The following OCM variants were observed in gnomAD, a reference collection of about 807,000 sequenced individuals.
The protein encoded by OCM is oncomodulin.
Under a neutral mutation model 14.1 loss-of-function variants are expected in OCM, and 18 were observed. The ratio of observed to expected loss-of-function variants is 1.28; its 90% confidence interval spans 0.88 to 1.89. The LOEUF is 1.89. Among genes scored for constraint, OCM ranks in the 40% most tolerant of loss-of-function variants. The pLI is 0.00. For synonymous variants in OCM, 48 were observed against 51.0 expected (o/e 0.94, Z 0.25); for missense variants, 140 against 137.6 (o/e 1.02, Z -0.09).
At chr7:5,866,067 T>G in the OCM span, among the ~76,000 whole-genome samples, 1 of 151,786 alleles carries the variant, frequency 6.6e-6, no homozygotes, top group Non-Finnish European at 1.5e-5. Flanking sequence ...GTGCCTGCAA[T>G]CCTAGTGTCT....
chr7:5,872,881 AAATAAT>A, the OCM span, among the ~76,000 whole-genome samples: 1 of 152,124 alleles, frequency 6.6e-6, no homozygotes, highest in African/African-American at 2.4e-5. Context: ...TAAATACTGA[AAATAAT>A]AATAATTAAA....
chr7:5,864,234 T>TG, the OCM span, among the ~76,000 whole-genome samples: 50 of 146,218 alleles, frequency 3.4e-4, no homozygotes, highest in Admixed American at 9.0e-4. Flanking sequence ...AGCTCCTGGT[T>TG]GGGGGGGATG....
At chr7:5,885,680 G>A (rs936077678) in intron 3 of OCM, among the ~76,000 whole-genome samples, 5 of 148,166 alleles carry the variant, frequency 3.4e-5, no homozygotes, top group South Asian at 4.3e-4. Context: ...GCGTGATTTC[G>A]GCTCACTGCA....
upstream of OCM, among the ~76,000 whole-genome samples, chr7:5,877,377 A>C (rs1242510703): frequency 2.6e-5 from 4 of 151,778 alleles, no homozygotes; most frequent in Non-Finnish European, 5.9e-5. Context: ...CTGAGCTGGG[A>C]GGATTGCCTG....
chr7:5,879,053 T>C (rs1278581283), upstream of OCM, among the ~76,000 whole-genome samples: 2 of 151,794 alleles, frequency 1.3e-5, no homozygotes, highest in Non-Finnish European at 2.9e-5. Context: ...TTTAAAAAAT[T>C]AGCCAGGCAT....
chr7:5,877,464 A>G (rs1453305231), upstream of OCM, among the ~76,000 whole-genome samples: 2 of 151,956 alleles, frequency 1.3e-5, no homozygotes, highest in African/African-American at 2.4e-5. Flanking sequence ...CTCTGTCTCA[A>G]AAACAAATAA....
chr7:5,879,510 C>T (rs1227967136), upstream of OCM, among the ~76,000 whole-genome samples: 1 of 152,060 alleles, frequency 6.6e-6, no homozygotes, highest in Non-Finnish European at 1.5e-5. Context: ...GAAAACAGGC[C>T]TGCCTCCAAC....
the OCM span, among the ~76,000 whole-genome samples, chr7:5,869,020 G>A: frequency 6.7e-3 from 1,016 of 152,040 alleles, 32 homozygotes; most frequent in Admixed American, 0.041. Context: ...CTGAGATCGC[G>A]CCATTGTACT....
intron 2 of OCM, among the ~76,000 whole-genome samples, chr7:5,883,221 C>G (rs768227989): frequency 4.5e-4 from 68 of 152,158 alleles, no homozygotes; most frequent in Non-Finnish European, 8.5e-4. Context: ...CGCAGTGGCT[C>G]ACGCCTGTAA....
intron 2 of OCM, among the ~76,000 whole-genome samples, chr7:5,882,840 CTTTTTT>C (rs10581848): frequency 3.3e-5 from 4 of 119,494 alleles, no homozygotes; most frequent in African/African-American, 3.4e-5. Context: ...TGCAAAGATT[CTTTTTT>C]TTTTTTTTTT....
At chr7:5,870,960 C>A in the OCM span, among the ~76,000 whole-genome samples, 6 of 151,670 alleles carry the variant, frequency 4.0e-5, no homozygotes, top group African/African-American at 1.5e-4. Context: ...GATCTCAGCT[C>A]ACCGCAACCT....
intron 1 of OCM, among the ~76,000 whole-genome samples, chr7:5,881,811 G>C (rs1487393211): frequency 1.3e-5 from 2 of 151,994 alleles, no homozygotes; most frequent in Non-Finnish European, 2.9e-5. Flanking sequence ...TGAAAGGCCA[G>C]GTGTCGTGCT....
chr7:5,878,934 A>G (rs1012532494), upstream of OCM, among the ~76,000 whole-genome samples: 3 of 149,882 alleles, frequency 2.0e-5, no homozygotes, highest in Non-Finnish European at 3.0e-5. Flanking sequence ...TAATCCCAGC[A>G]CTTTAGGAGG....
the OCM span, among the ~76,000 whole-genome samples, chr7:5,874,776 G>C: frequency 5.9e-5 from 9 of 152,026 alleles, no homozygotes; most frequent in Non-Finnish European, 1.3e-4. Flanking sequence ...AAAGCGCTGG[G>C]ATTGCAGACG....
At chr7:5,882,840 CTTTTTTTTTTTT>C (rs10581848) in intron 2 of OCM, among the ~76,000 whole-genome samples, 1 of 119,510 alleles carries the variant, frequency 8.4e-6, no homozygotes. Context: ...TGCAAAGATT[CTTTTTTTTTTTT>C]TTTTTTTTGA....
At chr7:5,863,786 C>T in the OCM span, among the ~76,000 whole-genome samples, 27 of 152,124 alleles carry the variant, frequency 1.8e-4, no homozygotes, top group East Asian at 3.5e-3. Context: ...CCTGACTCGG[C>T]GTCGCAAAGT....
At chr7:5,860,086 G>A in the OCM span, among the ~76,000 whole-genome samples, 1 of 152,086 alleles carries the variant, frequency 6.6e-6, no homozygotes, top group Admixed American at 6.6e-5. Flanking sequence ...CCCACATCAT[G>A]GACAAGTGAA....
chr7:5,868,187 C>T, the OCM span, among the ~76,000 whole-genome samples: 3 of 152,018 alleles, frequency 2.0e-5, no homozygotes, highest in African/African-American at 7.3e-5. Flanking sequence ...ACAGGGCCTA[C>T]CAAGGCTGGA....
the OCM span, among the ~76,000 whole-genome samples, chr7:5,860,458 T>TTATTACGTATATATACGTGTATATATA: frequency 9.5e-5 from 12 of 126,520 alleles, 5 homozygotes; most frequent in Admixed American, 3.4e-4. Flanking sequence ...TGTATGTATA[T>TTATTACGTATATATACGTGTATATATA]TATTACGTAT....
Sources: allele counts gnomAD v4.1 joint callset (sites outside exome capture counted in the v4.1 genomes callset), GRCh38; gene constraint gnomAD v4.1.1; transcripts MANE v1.5; gene names NCBI Gene and HGNC (gene_info 2026-07-23, HGNC 2026-07-21).